Variants in DIP2B observed in about 807,000 individuals in gnomAD.
DIP2B encodes the protein disco-interacting protein 2 homolog B.
In DIP2B, 76 loss-of-function variants were observed where a neutral mutation model predicts 198.0. The ratio of observed to expected loss-of-function variants is 0.38; its 90% CI spans 0.32 to 0.46. The LOEUF (loss-of-function observed/expected upper bound fraction) is 0.46. Among genes scored for constraint, DIP2B ranks in the 20% least tolerant of loss-of-function variants. DIP2B has a pLI of 0.99. For synonymous variants in DIP2B, 701 were observed against 739.1 expected (o/e 0.95, Z 0.84); for missense variants, 1,559 against 1,978.4 (o/e 0.79, Z 4.02).
intron 1 of DIP2B, among the ~76,000 whole-genome samples, chr12:50,593,365 C>T (rs568484641): frequency 9.2e-5 from 14 of 152,108 alleles, no homozygotes; most frequent in African/African-American, 3.4e-4. Context: ...ATTAGCTAGG[C>T]GTGGTGACAT....
At chr12:50,705,233 T>G (rs566310622) in intron 20 of DIP2B, among the ~76,000 whole-genome samples, 177 of 152,216 alleles carry the variant, frequency 1.2e-3, no homozygotes, top group Non-Finnish European at 2.2e-3. Flanking sequence ...ACTTAACATC[T>G]TCAGTCATAT....
At position 50,539,389 on chromosome 12, in the gene DIP2B, G is replaced by A. The variant is rs140000895; in HGVS notation, c.100+34149G>A. ...ACCAGCACTTTTGAGAAACCTAGGC[G>A]GGTGGATCACCTGAGGTCAGGAGTT... is the stretch of plus-strand genomic sequence containing the variant. On this transcript the variant is annotated intron_variant, in intron 1 of 37. Coordinates refer to ENST00000301180, the MANE Select transcript of DIP2B (RefSeq NM_173602.3). Among the ~76,000 whole-genome samples the A allele has an allele frequency of 4.7e-3, 719 of 151,822 alleles. 8 individuals are homozygous for A. Among genetic ancestry groups the A allele is most frequent in the African/African-American group, 0.016 (679 of 41,452 alleles).
At chr12:50,609,591 C>T (rs1049877195) in intron 1 of DIP2B, among the ~76,000 whole-genome samples, 1 of 152,218 alleles carries the variant, frequency 6.6e-6, no homozygotes, top group Non-Finnish European at 1.5e-5. Flanking sequence ...TACACCCATT[C>T]CATTTAAGAG....
chr12:50,734,048 G>A (rs1262113083), intron 32 of DIP2B, 87 bp from the exon 33 acceptor site: 7 of 1,446,502 alleles, frequency 4.8e-6, no homozygotes, highest in Non-Finnish European at 6.8e-6. Flanking sequence ...GATTTTTCAT[G>A]TATATGGCTA....
intron 1 of DIP2B, among the ~76,000 whole-genome samples, chr12:50,556,546 T>C (rs553992160): frequency 6.6e-5 from 9 of 136,272 alleles, no homozygotes; most frequent in Non-Finnish European, 1.1e-4. Flanking sequence ...AATGACACTA[T>C]GTATTGTGAG....
intron 37 of DIP2B, among the ~76,000 whole-genome samples, chr12:50,743,145 C>T (rs982038319): frequency 3.3e-5 from 5 of 152,024 alleles, no homozygotes; most frequent in African/African-American, 7.2e-5. Flanking sequence ...TGCAGCGGTG[C>T]GATCCCGGCT....
intron 23 of DIP2B, among the ~76,000 whole-genome samples, chr12:50,715,161 ACTC>A (rs934843362): frequency 8.5e-5 from 13 of 152,216 alleles, no homozygotes; most frequent in African/African-American, 2.9e-4. Flanking sequence ...TAGGATAGTC[ACTC>A]CTCAATCATG....
chr12:50,723,824 C>T (rs891867992), intron 27 of DIP2B, among the ~76,000 whole-genome samples: 9 of 152,062 alleles, frequency 5.9e-5, no homozygotes, highest in African/African-American at 1.9e-4. Context: ...ATTATCTAGG[C>T]GATTTTAAAT....
intron 1 of DIP2B, among the ~76,000 whole-genome samples, chr12:50,519,996 TA>T (rs968202431): frequency 4.6e-5 from 7 of 150,550 alleles, no homozygotes; most frequent in African/African-American, 1.7e-4. Flanking sequence ...CAGATATGAA[TA>T]AATTTTATAG....
At chr12:50,731,633 T>G (rs768176634) in intron 31 of DIP2B, 96 bp downstream of exon 31, 1 of 1,405,848 alleles carries the variant, frequency 7.1e-7, no homozygotes, top group Non-Finnish European at 9.5e-7. Flanking sequence ...CAGACATGTT[T>G]GCTTGCCTTT....
Position 50,719,766 on chromosome 12 carries a change from G to A in DIP2B, c.3042+731G>A, listed in dbSNP as rs576862307. ...CGAGGCAGGAGAATCGCTTGAATCCGGGAGGCGGAGGTTGCAGTGAGCCGA... is the reference window on the plus strand; with the variant it reads ...CGAGGCAGGAGAATCGCTTGAATCCAGGAGGCGGAGGTTGCAGTGAGCCGA... On this transcript the variant is annotated intron_variant, in intron 25 of 37. Coordinates refer to ENST00000301180, the MANE Select transcript of DIP2B (RefSeq NM_173602.3). Among the ~76,000 whole-genome samples the A allele has an allele frequency of 6.6e-5, 10 of 151,500 alleles. No individual in the cohort carries two copies. The East Asian group carries it at 2.0e-3, about 30-fold the overall frequency.
rs933669218 is a variant in DIP2B at position 50,745,060 on chromosome 12, T to C, written c.*221T>C. The C allele has an allele frequency of 6.8e-5, 40 of 589,424 alleles. No individual in the cohort carries two copies. The highest frequency in any genetic ancestry group is 1.0e-4 in the Non-Finnish European group (35 of 341,960). 36.5% of individuals were successfully genotyped at this position (589,424 alleles called of 1,614,324 possible). A position where few individuals can be genotyped will look rare whatever the true frequency, so the allele number is the denominator to read the frequency against. ...CATTTGGTAGACATGTGCTTTGACATAGCGTGAGCAGCACATTACTAAAGC... is the reference window on the plus strand; with the variant it reads ...CATTTGGTAGACATGTGCTTTGACACAGCGTGAGCAGCACATTACTAAAGC... On this transcript the variant is annotated 3_prime_UTR_variant, in exon 38 of 38. Transcript: ENST00000301180.
At chr12:50,743,717 T>A (rs1940297215) in intron 37 of DIP2B, 1 of 152,212 alleles carries the variant, frequency 6.6e-6, no homozygotes, top group Non-Finnish European at 1.5e-5. Flanking sequence ...TCAAAGCTCT[T>A]ATGGGGCAAA....
At chr12:50,612,358 C>T (rs1322809048) in intron 1 of DIP2B, among the ~76,000 whole-genome samples, 4 of 151,902 alleles carry the variant, frequency 2.6e-5, no homozygotes, top group Non-Finnish European at 2.9e-5. Context: ...CTTTTGGAAT[C>T]GTGTTATTTC....
intron 28 of DIP2B, among the ~76,000 whole-genome samples, chr12:50,726,400 G>T (rs189413903): frequency 3.0e-4 from 45 of 152,300 alleles, no homozygotes; most frequent in Non-Finnish European, 1.5e-5. Context: ...ATCCAGGCTG[G>T]AGTGCAGTGG....
chr12:50,682,411 G>A (rs1288825791), intron 9 of DIP2B, among the ~76,000 whole-genome samples: 2 of 152,102 alleles, frequency 1.3e-5, no homozygotes, highest in African/African-American at 4.8e-5. Context: ...AGATCACGAG[G>A]TCAGGAGATC....
intron 27 of DIP2B, among the ~76,000 whole-genome samples, chr12:50,724,140 A>C (rs546369787): frequency 1.3e-5 from 2 of 152,356 alleles, no homozygotes; most frequent in East Asian, 3.9e-4. Flanking sequence ...TGATCACCAT[A>C]GATGATTTTA....
chr12:50,694,205 A>C (rs1053588107), intron 14 of DIP2B, among the ~76,000 whole-genome samples: 1 of 152,194 alleles, frequency 6.6e-6, no homozygotes, highest in Admixed American at 6.5e-5. Flanking sequence ...TTTTAAAAGC[A>C]TATACCACAG....
At chr12:50,708,625 A>T in intron 22 of DIP2B, 63 bp downstream of exon 22, 1 of 1,347,184 alleles carries the variant, frequency 7.4e-7, no homozygotes, top group Non-Finnish European at 1.0e-6. Context: ...TAAGCATTTC[A>T]TTTTCTTCGA....
Sources: allele counts gnomAD v4.1 joint callset (sites outside exome capture counted in the v4.1 genomes callset), GRCh38; gene constraint gnomAD v4.1.1; transcripts MANE v1.5; gene names NCBI Gene and HGNC (gene_info 2026-07-23, HGNC 2026-07-21).